The following PABPC4L variants were observed in gnomAD, a reference collection of about 807,000 sequenced individuals.
The protein encoded by PABPC4L is polyadenylate-binding protein 4-like.
For synonymous variants in PABPC4L, 169 were observed against 164.1 expected, an observed-to-expected ratio of 1.03 and a Z score of -0.23; for missense variants, 452 against 451.4, an observed-to-expected ratio of 1.00 and a Z score of -0.01.
the PABPC4L span, among the ~76,000 whole-genome samples, chr4:134,081,756 CA>C: frequency 1.3e-5 from 2 of 151,852 alleles, no homozygotes; most frequent in African/African-American, 4.8e-5. Flanking sequence ...ACCAACTAAC[CA>C]AAAAAACACA....
chr4:134,164,987 A>T, the PABPC4L span, among the ~76,000 whole-genome samples: 1 of 152,160 alleles, frequency 6.6e-6, no homozygotes, highest in Non-Finnish European at 1.5e-5. Flanking sequence ...AATACTTATA[A>T]CCAACTGATC....
the PABPC4L span, among the ~76,000 whole-genome samples, chr4:134,146,151 TG>T: frequency 6.6e-6 from 1 of 152,118 alleles, no homozygotes; most frequent in East Asian, 1.9e-4. Flanking sequence ...TGATACTTTT[TG>T]TTTTGGGTTT....
the PABPC4L span, among the ~76,000 whole-genome samples, chr4:134,002,264 T>A: frequency 6.6e-6 from 1 of 152,042 alleles, no homozygotes; most frequent in Non-Finnish European, 1.5e-5. Flanking sequence ...TGAAGATATT[T>A]GGCATTCACC....
chr4:134,131,515 G>A, the PABPC4L span, among the ~76,000 whole-genome samples: 1 of 151,552 alleles, frequency 6.6e-6, no homozygotes. Flanking sequence ...CCTCTACAGG[G>A]ACAACTACAA....
chr4:134,036,454 GA>G, the PABPC4L span, among the ~76,000 whole-genome samples: 1 of 152,070 alleles, frequency 6.6e-6, no homozygotes, highest in African/African-American at 2.4e-5. Context: ...TACTGGGCAA[GA>G]AATTTCAGTA....
downstream of PABPC4L, among the ~76,000 whole-genome samples, chr4:134,193,944 T>C (rs1426229146): frequency 6.6e-6 from 1 of 151,952 alleles, no homozygotes; most frequent in East Asian, 1.9e-4. Context: ...TGGAATTTCA[T>C]GCTTTTATAG....
At chr4:134,178,401 A>G in the PABPC4L span, among the ~76,000 whole-genome samples, 1 of 151,408 alleles carries the variant, frequency 6.6e-6, no homozygotes, top group African/African-American at 2.4e-5. Context: ...CCACAAGGAC[A>G]GTAACTTCAA....
chr4:134,123,788 G>A, the PABPC4L span, among the ~76,000 whole-genome samples: 4 of 151,740 alleles, frequency 2.6e-5, no homozygotes, highest in Non-Finnish European at 4.4e-5. Context: ...AATATCAGAT[G>A]TGAGCGTATT....
the PABPC4L span, among the ~76,000 whole-genome samples, chr4:134,033,330 C>T: frequency 6.6e-6 from 1 of 151,770 alleles, no homozygotes; most frequent in Non-Finnish European, 1.5e-5. Flanking sequence ...TTTCCTCTAG[C>T]CTCCCCATTC....
the PABPC4L span, among the ~76,000 whole-genome samples, chr4:133,988,062 T>C: frequency 1.3e-5 from 2 of 152,296 alleles, no homozygotes; most frequent in African/African-American, 4.8e-5. Flanking sequence ...GCAAATAGCA[T>C]GGAGGTAACT....
At chr4:133,963,049 CA>C in the PABPC4L span, among the ~76,000 whole-genome samples, 1 of 152,088 alleles carries the variant, frequency 6.6e-6, no homozygotes, top group East Asian at 1.9e-4. Context: ...TACAGAACTG[CA>C]GAATGGATAA....
chr4:133,962,187 C>A, the PABPC4L span, among the ~76,000 whole-genome samples: 1 of 152,100 alleles, frequency 6.6e-6, no homozygotes, highest in African/African-American at 2.4e-5. Context: ...GAGAAGGAAC[C>A]AGAAAACCAA....
At chr4:133,990,763 G>A in the PABPC4L span, among the ~76,000 whole-genome samples, 30 of 152,136 alleles carry the variant, frequency 2.0e-4, no homozygotes, top group Non-Finnish European at 3.5e-4. Flanking sequence ...GTCCTGCAGC[G>A]AATGATCAAA....
chr4:134,143,320 A>T, the PABPC4L span, among the ~76,000 whole-genome samples: 1 of 150,212 alleles, frequency 6.7e-6, no homozygotes, highest in East Asian at 1.9e-4. Context: ...TATTTACTAT[A>T]TTAACTATGT....
the PABPC4L span, among the ~76,000 whole-genome samples, chr4:134,110,184 G>A: frequency 6.6e-6 from 1 of 152,056 alleles, no homozygotes; most frequent in Non-Finnish European, 1.5e-5. Context: ...AATAAAGTAA[G>A]CATATACATA....
the PABPC4L span, among the ~76,000 whole-genome samples, chr4:134,053,599 A>G: frequency 2.0e-5 from 3 of 152,086 alleles, no homozygotes; most frequent in Non-Finnish European, 1.5e-5. Context: ...AGTTTCCAAC[A>G]TTTGTCCCCA....
the PABPC4L span, among the ~76,000 whole-genome samples, chr4:134,163,909 A>C: frequency 6.6e-6 from 1 of 152,300 alleles, no homozygotes; most frequent in South Asian, 2.1e-4. Flanking sequence ...AAAAGTTGAA[A>C]GCATCCCCAC....
the PABPC4L span, among the ~76,000 whole-genome samples, chr4:134,175,523 A>T: frequency 1.2e-3 from 183 of 152,202 alleles, no homozygotes; most frequent in African/African-American, 4.2e-3. Flanking sequence ...ATCTCGGCTC[A>T]CTGCAACCTC....
chr4:134,067,978 T>TA, the PABPC4L span, among the ~76,000 whole-genome samples: 1 of 152,004 alleles, frequency 6.6e-6, no homozygotes, highest in African/African-American at 2.4e-5. Flanking sequence ...GTGCAGATAA[T>TA]AAAAAATGTA....
Sources: gnomAD v4.1 joint callset for allele counts (sites outside exome capture counted in the v4.1 genomes callset) on GRCh38, gnomAD v4.1.1 for gene constraint, MANE v1.5 for transcripts, NCBI Gene and HGNC (gene_info 2026-07-23, HGNC 2026-07-21) for gene names.